PFAS: variants seen among roughly 807,000 people sequenced by gnomAD.
The protein encoded by PFAS is FGAM synthase.
PFAS carries 97 observed loss-of-function variants against 140.6 expected under a neutral mutation model. That is an observed-to-expected ratio of 0.69 (90% CI 0.59 to 0.82). The LOEUF (loss-of-function observed/expected upper bound fraction) is 0.82. Ranked by LOEUF, PFAS falls within the 40% of genes least tolerant of loss-of-function variation. The pLI is 0.00. For synonymous variants in PFAS, 679 were observed against 718.8 expected (o/e 0.94, Z 0.88); for missense variants, 1,656 against 1,780.2 (o/e 0.93, Z 1.26).
chr17:8,254,352 CT>C (rs757144282), intron 3 of PFAS, 51 bp downstream of exon 3: 2 of 1,601,396 alleles, frequency 1.2e-6, no homozygotes. Context: ...TTTGCTTCCT[CT>C]TGTGATCCTT....
At position 8,266,267 on chromosome 17, in the gene PFAS, A is replaced by G; in HGVS notation, c.2735A>G (p.Asp912Gly). 2 of 1,614,038 alleles carry G rather than the reference A, an allele frequency of 1.2e-6. No homozygotes were observed. The highest frequency in any genetic ancestry group is 1.7e-6 in the Non-Finnish European group (2 of 1,179,976). Residue 912 changes from aspartate to glycine, a missense_variant, in exon 22 of 28, where the codon GAC becomes GGC. Asp to Gly is a moderately conservative substitution (Grantham distance 94). Around this residue, in one of 2 missense-constraint regions of PFAS, gnomAD observed 883 missense variants for 1,023.0 expected, o/e 0.86. Coordinates refer to ENST00000314666, the MANE Select transcript of PFAS (RefSeq NM_012393.3). The surrounding 1 kb of genome is among the most constrained non-coding windows in gnomAD (Gnocchi z 5.0). ...RLLCSGHDVS[D>G]GGLVTCLLEM... ...CTCTGCTCAGGCCACGATGTCAGTG[A>G]CGGAGGCCTCGTCACATGCCTGCTG...
At chr17:8,262,295 C>A (rs1049938748) in intron 11 of PFAS, among the ~76,000 whole-genome samples, 1 of 152,074 alleles carries the variant, frequency 6.6e-6, no homozygotes, top group Non-Finnish European at 1.5e-5. Context: ...TAGGTTATTT[C>A]ATGTACTTGC....
At chr17:8,264,675 A>C in intron 17 of PFAS, 74 bp downstream of exon 17, 4 of 1,460,730 alleles carry the variant, frequency 2.7e-6, no homozygotes, top group Non-Finnish European at 3.7e-6. Flanking sequence ...CACCCTTAGA[A>C]AGTGCTGTGG....
chr17:8,256,677 G>A (rs1165341995), intron 8 of PFAS, 29 bp downstream of exon 8: 3 of 1,613,092 alleles, frequency 1.9e-6, no homozygotes, highest in Non-Finnish European at 1.7e-6. Context: ...AGAAATAGGT[G>A]AGATCACAGA....
At chr17:8,252,372 A>G (rs1379094018) in intron 1 of PFAS, among the ~76,000 whole-genome samples, 1 of 152,124 alleles carries the variant, frequency 6.6e-6, no homozygotes, top group African/African-American at 2.4e-5. Flanking sequence ...CTTAAACAAA[A>G]GCTTTGTGAT....
chr17:8,260,219 G>A (rs1227238586), intron 11 of PFAS, among the ~76,000 whole-genome samples: 1 of 151,990 alleles, frequency 6.6e-6, no homozygotes, highest in Admixed American at 6.6e-5. Flanking sequence ...ATACTTTTGT[G>A]TGACTGGCAG....
intron 11 of PFAS, among the ~76,000 whole-genome samples, chr17:8,260,718 G>A (rs965293012): frequency 4.6e-5 from 7 of 152,278 alleles, no homozygotes; most frequent in African/African-American, 1.4e-4. Context: ...CCCGCCTCCC[G>A]GGTTCACGCC....
In PFAS at chr17:8,256,926, C is replaced by A; in HGVS notation, c.1038C>A (p.Gly346=). 6.2e-7 allele frequency: 1 copy of A among 1,614,200 alleles called. No homozygotes were observed. The highest frequency in any genetic ancestry group is 8.5e-7 in the Non-Finnish European group (1 of 1,180,026). Reference sequence around the variant, plus strand: ...GCCGCGGGGCCCACGTGGTGGCTGGCACTGCCGGCTATTGCTTTGGAAATC... The same window carrying A: ...GCCGCGGGGCCCACGTGGTGGCTGGAACTGCCGGCTATTGCTTTGGAAATC... The part of the protein sequence containing the change: ...CTGRGAHVVA[G]TAGYCFGNLH... Residue 346 remains glycine, a synonymous_variant, in exon 9 of 28, where the codon GGC becomes GGA. Transcript: ENST00000314666.
chr17:8,248,454 G>A (rs1988972702), upstream of PFAS, among the ~76,000 whole-genome samples: 1 of 126,748 alleles, frequency 7.9e-6, no homozygotes, highest in African/African-American at 3.0e-5. Flanking sequence ...TAGAGACGGG[G>A]TTTCACCATG....
intron 11 of PFAS, among the ~76,000 whole-genome samples, chr17:8,261,260 A>G (rs10468467): frequency 0.71 from 106,555 of 151,120 alleles, 38,983 homozygotes; most frequent in Non-Finnish European, 0.81. Flanking sequence ...TTGTAGAGAC[A>G]GAGTCTTGCT....
In PFAS at chr17:8,265,656, A is replaced by G. The variant is rs369488322; in HGVS notation, c.2545+17A>G. On this transcript the variant is annotated intron_variant, in intron 20 of 27. Transcript: ENST00000314666. The stretch of plus-strand genomic sequence containing the variant: ...AAGGGAGAGGTATGGACATGGCCCC[A>G]TCCTTTGTGATCTTTGCTTGTGTGA... 12 of 1,600,336 alleles carry G rather than the reference A, an allele frequency of 7.5e-6. No homozygotes were observed. The highest frequency in any genetic ancestry group is 1.0e-5 in the Non-Finnish European group (12 of 1,167,758).
chr17:8,260,397 A>G (rs1408096030), intron 11 of PFAS, among the ~76,000 whole-genome samples: 1 of 152,182 alleles, frequency 6.6e-6, no homozygotes, highest in Non-Finnish European at 1.5e-5. Flanking sequence ...GAATCATACA[A>G]TATGCGGCCT....
At position 8,267,485 on chromosome 17, in the gene PFAS, T is replaced by G. The variant is rs767257161; in HGVS notation, c.3267+22T>G. The G allele has an allele frequency of 1.6e-5, 26 of 1,607,582 alleles. 1 individual carries two copies. The South Asian group carries it at 2.7e-4, about 17-fold the overall frequency. On this transcript the variant is annotated intron_variant, in intron 25 of 27. Coordinates refer to ENST00000314666, the MANE Select transcript of PFAS (RefSeq NM_012393.3). The surrounding 1 kb of genome is among the most constrained non-coding windows in gnomAD (Gnocchi z 4.9). ...TGAGGTGAGCAGGGTAGGGGGCAGCTGGGGGTGATTGTCCAGCCTCAGCTG... is the reference window on the plus strand; with the variant it reads ...TGAGGTGAGCAGGGTAGGGGGCAGCGGGGGGTGATTGTCCAGCCTCAGCTG...
In PFAS at chr17:8,267,132, G is replaced by C. The variant is rs141499319; in HGVS notation, c.3072G>C (p.Glu1024Asp). Residue 1024 changes from glutamate to aspartate, a missense_variant, in exon 24 of 28, where the codon GAG becomes GAC. By Grantham distance (45) the Glu-to-Asp change is conservative. Transcript: ENST00000314666. This position sits in a 1 kb window ranked among gnomAD's most constrained non-coding sequence, Gnocchi z 4.9. ...TSFQLDRLQAEPRCVAEEERG... is the reference protein window; with the variant it reads ...TSFQLDRLQADPRCVAEEERG... ...TCCAGCTGGACCGGCTACAGGCAGAGCCTCGCTGTGTGGCAGAGGAGGAAC... is the reference window on the plus strand; with the variant it reads ...TCCAGCTGGACCGGCTACAGGCAGACCCTCGCTGTGTGGCAGAGGAGGAAC... 34 of 1,612,684 alleles carry C rather than the reference G, an allele frequency of 2.1e-5. No individual in the cohort carries two copies. The African/African-American group carries it at 2.9e-4, about 14-fold the overall frequency.
intron 6 of PFAS, 112 bp from the exon 7 acceptor site, chr17:8,256,155 T>C (rs1479442424): frequency 9.6e-7 from 1 of 1,046,562 alleles, no homozygotes; most frequent in East Asian, 2.6e-5. Flanking sequence ...TGATCTGTCA[T>C]CTAAGTATGA....
At chr17:8,260,280 A>T (rs1474327012) in intron 11 of PFAS, among the ~76,000 whole-genome samples, 1 of 152,182 alleles carries the variant, frequency 6.6e-6, no homozygotes, top group African/African-American at 2.4e-5. Flanking sequence ...CCACGATGCC[A>T]CTAGGCAATA....
chr17:8,252,916 C>A (rs917524362), intron 1 of PFAS, among the ~76,000 whole-genome samples: 8 of 152,210 alleles, frequency 5.3e-5, no homozygotes, highest in Non-Finnish European at 1.2e-4. Context: ...TATGCCCCGC[C>A]CAATCTGGCC....
At position 8,263,276 on chromosome 17, in the gene PFAS, G is replaced by C. The variant is rs756907996; in HGVS notation, c.1567+11G>C. The C allele has an allele frequency of 6.2e-6, 10 of 1,614,042 alleles. No individual in the cohort carries two copies. Among genetic ancestry groups the C allele is most frequent in the South Asian group, 4.4e-5 (4 of 91,088 alleles). ...GCGCTGGTGGCAATGGTGAGGAAAG[G>C]AGTTGGAACAAGAGACTGGGCCTGC... On this transcript the variant is annotated intron_variant, in intron 13 of 27. Coordinates refer to ENST00000314666, the MANE Select transcript of PFAS (RefSeq NM_012393.3).
At chr17:8,262,389 A>C (rs1288506788) in intron 11 of PFAS, 1 of 154,580 alleles carries the variant, frequency 6.5e-6, no homozygotes, top group East Asian at 1.9e-4. Flanking sequence ...TGACTTCCTC[A>C]AAGTGTATTT....
Sources: allele counts gnomAD v4.1 joint callset (sites outside exome capture counted in the v4.1 genomes callset), GRCh38; gene constraint gnomAD v4.1.1; regional missense constraint gnomAD v4.1.1; non-coding constraint Gnocchi (gnomAD v3.1); transcripts MANE v1.5; gene names NCBI Gene and HGNC (gene_info 2026-07-23, HGNC 2026-07-21).